Variants in STEEP1 observed in about 807,000 individuals in gnomAD.
STEEP1 encodes the protein STING1 ER exit protein 1.
A neutral mutation model predicts 19.2 loss-of-function variants in STEEP1; 3 were observed. The observed-to-expected ratio is 0.16, with a 90% CI of 0.07 to 0.40. The LOEUF (loss-of-function observed/expected upper bound fraction) is 0.40, where lower values mean the gene tolerates loss of function less well. Ranked by LOEUF, STEEP1 falls within the 10% of genes least tolerant of loss-of-function variation. STEEP1 has a pLI of 0.99. For missense variants in STEEP1, 54 were observed against 177.1 expected (o/e 0.30, Z 3.94); for synonymous variants, 46 against 63.7 (o/e 0.72, Z 1.32).
Position 119,539,120 on chromosome X carries a change from A to G in STEEP1, c.*607T>C, listed in dbSNP as rs1376731616. ...AGCAGCCACTTTAGAGACTGGAGACACTCAAGCACTCATCTATTCATAAAG... is the reference window on the plus strand; with the variant it reads ...AGCAGCCACTTTAGAGACTGGAGACGCTCAAGCACTCATCTATTCATAAAG... On this transcript the variant is annotated 3_prime_UTR_variant, in exon 7 of 7. Coordinates refer to ENST00000644802, the MANE Select transcript of STEEP1 (RefSeq NM_022101.4). 3 of 112,258 alleles carry G rather than the reference A, an allele frequency of 2.7e-5. No individual in the cohort carries two copies. Among genetic ancestry groups the G allele is most frequent in the Non-Finnish European group, 3.8e-5 (2 of 53,278 alleles). The allele number at this position is 112,258 out of a possible 1,213,427, so 9.3% of individuals were successfully genotyped here.
Position 119,539,547 on chromosome X carries a change from A to AAAG in STEEP1, c.*179_*180insCTT, listed in dbSNP as rs2147343225. 14 of 359,764 alleles carry AAAG rather than the reference A, an allele frequency of 3.9e-5. No homozygotes were observed. Among genetic ancestry groups the AAAG allele is most frequent in the Middle Eastern group, 7.9e-4 (1 of 1,272 alleles). The allele number at this position is 359,764 out of a possible 1,213,427, so 29.6% of individuals were successfully genotyped here. A position where few individuals can be genotyped will look rare whatever the true frequency, so the allele number is the denominator to read the frequency against. On this transcript the variant is annotated 3_prime_UTR_variant, in exon 7 of 7. Transcript: ENST00000644802. ...CTTTATCTCAAAAAAAAAAAAAAAA[A>AAAG]AAAGAAAGCAAGTTAAATGGACTCA...
intron 2 of STEEP1, among the ~76,000 whole-genome samples, chrX:119,551,687 C>G (rs2053242681): frequency 2.7e-5 from 2 of 73,333 alleles, no homozygotes; most frequent in African/African-American, 8.8e-5. Context: ...GATCTCACAC[C>G]ACAACAACAA....
intron 6 of STEEP1, among the ~76,000 whole-genome samples, chrX:119,540,530 G>T (rs1333748578): frequency 1.8e-5 from 2 of 110,683 alleles, no homozygotes; most frequent in African/African-American, 6.6e-5. Flanking sequence ...AATATTTTAA[G>T]TAATTGTCAA....
intron 5 of STEEP1, among the ~76,000 whole-genome samples, chrX:119,541,774 A>T (rs2053162503): frequency 8.9e-6 from 1 of 111,812 alleles, no homozygotes; most frequent in African/African-American, 3.2e-5. Flanking sequence ...TCTTGCCATC[A>T]ATATCGTTAT....
chrX:119,563,131 T>C (rs956577968), intron 1 of STEEP1, among the ~76,000 whole-genome samples: 2 of 112,246 alleles, frequency 1.8e-5, no homozygotes, highest in African/African-American at 6.5e-5. Flanking sequence ...CAGTGTTATA[T>C]GAAACCATTG....
At chrX:119,540,253 T>C (rs1032725760) in intron 6 of STEEP1, among the ~76,000 whole-genome samples, 2 of 112,532 alleles carry the variant, frequency 1.8e-5, no homozygotes, top group Admixed American at 9.5e-5. Context: ...TTTGACACAA[T>C]AGTAATTTTT....
rs115885708 is a variant in STEEP1, at chrX:119,553,595, T to C, written c.242+6673A>G. Among the ~76,000 whole-genome samples, 914 of 111,589 alleles carry C rather than the reference T, an allele frequency of 8.2e-3. 11 individuals are homozygous for C. Among genetic ancestry groups the C allele is most frequent in the African/African-American group, 0.029 (883 of 30,721 alleles). Reference sequence around the variant, plus strand: ...CCTCTCCATTTACAAGTATTACTTATGTCAAAGGTGCTCCAATTCATTGAC... The same window carrying C: ...CCTCTCCATTTACAAGTATTACTTACGTCAAAGGTGCTCCAATTCATTGAC... On this transcript the variant is annotated intron_variant, in intron 2 of 6. Transcript: ENST00000644802.
chrX:119,564,431 G>A (rs1193336954), intron 1 of STEEP1, among the ~76,000 whole-genome samples: 3 of 99,621 alleles, frequency 3.0e-5, no homozygotes. Context: ...GGGAGGCAGA[G>A]CTTGCAGTGA....
intron 2 of STEEP1, among the ~76,000 whole-genome samples, chrX:119,548,087 G>A (rs778067987): frequency 5.8e-4 from 64 of 110,509 alleles, no homozygotes; most frequent in African/African-American, 1.7e-3. Flanking sequence ...CAGGAGAATC[G>A]CTTGAACCTG....
intron 2 of STEEP1, 98 bp from the exon 3 acceptor site, chrX:119,545,602 G>C (rs1014375839): frequency 3.4e-6 from 2 of 587,889 alleles, no homozygotes; most frequent in Non-Finnish European, 2.8e-6. Context: ...CCTTTCAAAA[G>C]TTTTCATTTG....
chrX:119,547,747 C>T (rs2053215427), intron 2 of STEEP1, among the ~76,000 whole-genome samples: 1 of 111,720 alleles, frequency 9.0e-6, no homozygotes, highest in Non-Finnish European at 1.9e-5. Flanking sequence ...ATAATTCATA[C>T]AATTCAATAG....
chrX:119,564,691 G>A (rs1321153461), intron 1 of STEEP1, among the ~76,000 whole-genome samples: 1 of 111,653 alleles, frequency 9.0e-6, no homozygotes, highest in Non-Finnish European at 1.9e-5. Flanking sequence ...AAGATGATGA[G>A]GTGGGAAGGA....
chrX:119,544,582 TCTGTTTGTGGCATAAA>T, intron 3 of STEEP1, 91 bp from the exon 4 acceptor site: 1 of 903,830 alleles, frequency 1.1e-6, no homozygotes, highest in Non-Finnish European at 1.6e-6. Context: ...TGGGAATATT[TCTGTTTGTGGCATAAA>T]CTAATGACTG....
intron 2 of STEEP1, 147 bp from the exon 3 acceptor site, chrX:119,545,651 C>A (rs1279605287): frequency 2.6e-6 from 1 of 383,547 alleles, no homozygotes; most frequent in African/African-American, 2.5e-5. Flanking sequence ...AATCCCAGCA[C>A]TCTGGGAGGC....
intron 2 of STEEP1, among the ~76,000 whole-genome samples, chrX:119,550,096 T>C (rs1197427556): frequency 8.9e-6 from 1 of 112,558 alleles, no homozygotes; most frequent in Non-Finnish European, 1.9e-5. Context: ...ATTTTGATGT[T>C]CATGGATTGG....
At chrX:119,552,038 T>G (rs1035352520) in intron 2 of STEEP1, among the ~76,000 whole-genome samples, 5 of 109,335 alleles carry the variant, frequency 4.6e-5, no homozygotes, top group Middle Eastern at 4.2e-3. Context: ...GGACTACAGG[T>G]GCGCACCACC....
At chrX:119,542,847 C>T (rs1369102139) in intron 4 of STEEP1, 1 of 237,190 alleles carries the variant, frequency 4.2e-6, no homozygotes, top group Non-Finnish European at 7.4e-6. Context: ...GCTGCCCAGG[C>T]TGGAATACAG....
At chrX:119,545,806 T>C (rs1322088088) in intron 2 of STEEP1, among the ~76,000 whole-genome samples, 1 of 108,278 alleles carries the variant, frequency 9.2e-6, no homozygotes, top group Non-Finnish European at 1.9e-5. Flanking sequence ...GGCAGGAGAA[T>C]TGCTTGAACC....
chrX:119,560,404 T>G lies in STEEP1; in HGVS notation c.125-19A>C. 1 of 1,118,262 alleles carries G rather than the reference T, an allele frequency of 8.9e-7. No individual in the cohort carries two copies. 92.2% of individuals were successfully genotyped at this position (1,118,262 alleles called of 1,213,427 possible). ...TGGCAGTCTGAAGGAATGGAGAGATTTGGTCACTAGAGTCATGGCAAAATA... is the reference window on the plus strand; with the variant it reads ...TGGCAGTCTGAAGGAATGGAGAGATGTGGTCACTAGAGTCATGGCAAAATA... On this transcript the variant is annotated intron_variant, in intron 1 of 6. Coordinates refer to ENST00000644802, the MANE Select transcript of STEEP1 (RefSeq NM_022101.4).
Sources: allele counts gnomAD v4.1 joint callset (sites outside exome capture counted in the v4.1 genomes callset), GRCh38; gene constraint gnomAD v4.1.1; transcripts MANE v1.5; gene names NCBI Gene and HGNC (gene_info 2026-07-23, HGNC 2026-07-21).